VPS13A: variants seen among roughly 807,000 people sequenced by gnomAD.
VPS13A encodes vacuolar protein sorting 13 homolog A, also known as intermembrane lipid transfer protein VPS13A.
Under a neutral mutation model 390.9 loss-of-function variants are expected in VPS13A, and 264 were observed. The observed-to-expected ratio is 0.68, with a 90% CI of 0.61 to 0.75. The LOEUF is 0.75. VPS13A is among the 30% of genes least tolerant of loss of function. The pLI is 0.00. For missense variants in VPS13A, 3,409 were observed against 3,733.9 expected (o/e 0.91, Z 2.27); for synonymous variants, 1,231 against 1,227.1 (o/e 1.00, Z -0.07).
chr9:77,318,346 A>G lies in VPS13A; in HGVS notation c.5068A>G (p.Lys1690Glu). The G allele has an allele frequency of 6.2e-7, 1 of 1,613,510 alleles. No homozygotes were observed. The highest frequency in any genetic ancestry group is 8.5e-7 in the Non-Finnish European group (1 of 1,179,828). ...ASSTAHLWEKKDTKTLKMWFL... is the reference protein window; with the variant it reads ...ASSTAHLWEKEDTKTLKMWFL... ...TTCTACTGCACATTTATGGGAAAAG[A>G]AGGATACAAAGACTTTAAAAATGTG... The change falls in exon 41 of 72, where the codon AAG becomes GAG. Residue 1690 changes from lysine (K) to glutamate (E), a missense_variant. By Grantham distance (56) the Lys-to-Glu change is moderately conservative. Around this residue, in one of 5 missense-constraint regions of VPS13A, gnomAD observed 2,717 missense variants for 2,917.4 expected, o/e 0.93. Coordinates refer to ENST00000360280, the MANE Select transcript of VPS13A (RefSeq NM_033305.3).
At chr9:77,393,822 G>A (rs1263117393) in intron 68 of VPS13A, among the ~76,000 whole-genome samples, 2 of 152,030 alleles carry the variant, frequency 1.3e-5, no homozygotes, top group African/African-American at 4.8e-5. Flanking sequence ...CAGGTAGCCT[G>A]CAATGGTGCA....
chr9:77,324,259 T>C (rs139326720), intron 45 of VPS13A, among the ~76,000 whole-genome samples: 5 of 152,310 alleles, frequency 3.3e-5, no homozygotes, highest in Non-Finnish European at 7.4e-5. Flanking sequence ...TTTTTCAATC[T>C]GGATGTGTTT....
At chr9:77,278,168 T>A (rs898827208) in intron 26 of VPS13A, among the ~76,000 whole-genome samples, 2 of 151,864 alleles carry the variant, frequency 1.3e-5, no homozygotes, top group Non-Finnish European at 2.9e-5. Context: ...CCTCCTGGGT[T>A]CATGCCATTC....
At chr9:77,321,425 T>G (rs1829740650) in intron 43 of VPS13A, 66 bp from the exon 44 acceptor site, 1 of 1,596,806 alleles carries the variant, frequency 6.3e-7, no homozygotes, top group Non-Finnish European at 8.6e-7. Context: ...CATTTGTCCT[T>G]TACTGTTCTC....
At chr9:77,392,240 T>G (rs748120082) in intron 68 of VPS13A, among the ~76,000 whole-genome samples, 12 of 152,144 alleles carry the variant, frequency 7.9e-5, no homozygotes, top group Non-Finnish European at 1.3e-4. Flanking sequence ...TAACAGTTTG[T>G]GAGATATCTA....
At chr9:77,310,755 G>T (rs1829026377) in intron 35 of VPS13A, among the ~76,000 whole-genome samples, 1 of 152,126 alleles carries the variant, frequency 6.6e-6, no homozygotes, top group African/African-American at 2.4e-5. Flanking sequence ...TGGATCAGGG[G>T]AAACAAATAG....
In VPS13A at chr9:77,339,492, T is replaced by G. The variant is rs761569677; in HGVS notation, c.6379-24T>G. 203 of 1,410,116 alleles carry G rather than the reference T, an allele frequency of 1.4e-4. 2 individuals are homozygous for G. Among genetic ancestry groups the G allele is most frequent in the Middle Eastern group, 1.2e-3 (6 of 5,046 alleles). 87.4% of individuals were successfully genotyped at this position (1,410,116 alleles called of 1,614,324 possible). A position where few individuals can be genotyped will look rare whatever the true frequency, so the allele number is the denominator to read the frequency against. On this transcript the variant is annotated intron_variant, in intron 47 of 71. Coordinates refer to ENST00000360280, the MANE Select transcript of VPS13A (RefSeq NM_033305.3). ...ATTCTGCAACATTTTAAATTTTGTTTTGTTTTTTTTTTTTTTATTACAGGG... is the reference window on the plus strand; with the variant it reads ...ATTCTGCAACATTTTAAATTTTGTTGTGTTTTTTTTTTTTTTATTACAGGG...
chr9:77,363,908 GA>G (rs1832290331), intron 59 of VPS13A, among the ~76,000 whole-genome samples: 1 of 152,158 alleles, frequency 6.6e-6, no homozygotes, highest in South Asian at 2.1e-4. Context: ...CTGGCGGTGG[GA>G]ACAGTTGTGA....
intron 10 of VPS13A, 90 bp downstream of exon 10, chr9:77,214,476 G>A (rs1822740917): frequency 9.5e-7 from 1 of 1,048,676 alleles, no homozygotes; most frequent in Admixed American, 1.9e-5. Flanking sequence ...GCTAGTTCCT[G>A]TTAAATTTCC....
chr9:77,359,204 A>G, intron 57 of VPS13A, 129 bp from the exon 58 acceptor site: 1 of 778,940 alleles, frequency 1.3e-6, no homozygotes, highest in Non-Finnish European at 2.1e-6. Context: ...TTTTGCCAAT[A>G]TCAGTAATTT....
chr9:77,401,290 C>G (rs950626705), intron 68 of VPS13A, among the ~76,000 whole-genome samples: 1 of 151,434 alleles, frequency 6.6e-6, no homozygotes, highest in African/African-American at 2.4e-5. Context: ...TACCTCCTAC[C>G]CCATGCTCCA....
At chr9:77,363,729 C>A (rs937003627) in intron 59 of VPS13A, among the ~76,000 whole-genome samples, 5 of 152,196 alleles carry the variant, frequency 3.3e-5, no homozygotes, top group African/African-American at 4.8e-5. Context: ...AAATCAATGA[C>A]TTTCCTTTTA....
chr9:77,233,802 A>T (rs1221347830), intron 17 of VPS13A, among the ~76,000 whole-genome samples: 2 of 152,054 alleles, frequency 1.3e-5, no homozygotes, highest in Admixed American at 6.6e-5. Context: ...TTGTGACCTA[A>T]CATTTGGTCT....
rs536115869 is a variant in VPS13A, at chr9:77,409,537, G to GT, written c.9474+1932dup. On this transcript the variant is annotated intron_variant, in intron 71 of 71. Transcript: ENST00000360280. ...GGAAGTTCGAATCCATGGCAAGGAA[G>GT]TTAAAAACCTTGAAAAAAAATTAGA... is the stretch of plus-strand genomic sequence containing the variant. 3.9e-4 allele frequency among the ~76,000 whole-genome samples: 60 copies of GT among 152,258 alleles called. 1 individual carries two copies. The highest frequency in any genetic ancestry group is 6.8e-3 in the Middle Eastern group (2 of 294).
At position 77,323,139 on chromosome 9, in the gene VPS13A, A is replaced by G; in HGVS notation, c.5903A>G (p.His1968Arg). 1 of 1,613,624 alleles carries G rather than the reference A, an allele frequency of 6.2e-7. No homozygotes were observed. The highest frequency in any genetic ancestry group is 2.2e-5 in the East Asian group (1 of 44,852). The change falls in exon 45 of 72, where the codon CAC becomes CGC. Residue 1968 changes from histidine (H) to arginine (R), a missense_variant. By Grantham distance (29) the His-to-Arg change is conservative. Coordinates refer to ENST00000360280, the MANE Select transcript of VPS13A (RefSeq NM_033305.3). ...KVGRRLYTVR[H>R]RESGVERSIV... ...GGACGACGTCTGTACACTGTAAGAC[A>G]CAGAGAGTCTGGCGTTGAAAGATCT...
intron 5 of VPS13A, among the ~76,000 whole-genome samples, chr9:77,208,798 C>T (rs1825815246): frequency 6.6e-6 from 1 of 152,208 alleles, no homozygotes; most frequent in Non-Finnish European, 1.5e-5. Context: ...GATCTGCCCA[C>T]CTTGGCCTCC....
At position 77,368,082 on chromosome 9, in the gene VPS13A, G is replaced by T; in HGVS notation, c.8499G>T (p.Gln2833His). The change falls in exon 62 of 72, where the codon CAG (glutamine) becomes CAT (histidine). Residue 2833 changes from glutamine (Q) to histidine (H), a missense_variant. Physicochemically the swap from Gln to His is conservative, Grantham distance 24 (BLOSUM62 0). This residue lies in a region of VPS13A where 123 missense variants were observed against 118.7 expected (regional missense o/e 1.04). Transcript: ENST00000360280. ...FKLAFFELNY[Q>H]FHTTSDLQSE... ...TTGCATTTTTTGAACTCAACTATCA[G>T]TTCCATACAACATCCGATCTACAGT... The T allele has an allele frequency of 6.2e-7, 1 of 1,612,326 alleles. No homozygotes were observed. The highest frequency in any genetic ancestry group is 8.5e-7 in the Non-Finnish European group (1 of 1,179,480).
rs757158705 is a variant in VPS13A, at chr9:77,403,217, TCTCA to T, written c.9190-16_9190-13del. On this transcript the variant is annotated splice_polypyrimidine_tract_variant and intron_variant, in intron 68 of 71. Transcript: ENST00000360280. ...AAATACTATCAATTTTCTCATTGTC[TCTCA>T]CTTTTTTCTTTTAGGTCATGGAAAA... 7 of 1,575,642 alleles carry T rather than the reference TCTCA, an allele frequency of 4.4e-6. No individual in the cohort carries two copies. The highest frequency in any genetic ancestry group is 6.1e-6 in the Non-Finnish European group (7 of 1,147,142).
chr9:77,419,211 TC>T lies in VPS13A; in HGVS notation c.*3207del, dbSNP rs1587746915. ...GGATGCTGTTTTTCCACACTGTAAGTCCTAACTCATTAGTGGGTCATGAAAT... is the reference window on the plus strand; with the variant it reads ...GGATGCTGTTTTTCCACACTGTAAGTCTAACTCATTAGTGGGTCATGAAAT... On this transcript the variant is annotated 3_prime_UTR_variant, in exon 72 of 72. Coordinates refer to ENST00000360280, the MANE Select transcript of VPS13A (RefSeq NM_033305.3). 6.6e-6 allele frequency: 1 copy of T among 152,274 alleles called. No individual in the cohort carries two copies. The highest frequency in any genetic ancestry group is 1.9e-4 in the East Asian group (1 of 5,178). The allele number at this position is 152,274 out of a possible 1,614,324, so 9.4% of individuals were successfully genotyped here.
Sources: gnomAD v4.1 joint callset for allele counts (sites outside exome capture counted in the v4.1 genomes callset) on GRCh38, gnomAD v4.1.1 for gene constraint, gnomAD v4.1.1 regional missense constraint, MANE v1.5 for transcripts, NCBI Gene and HGNC (gene_info 2026-07-23, HGNC 2026-07-21) for gene names.